Variants in CAST observed in about 807,000 individuals in gnomAD.
CAST encodes the protein MIR583 host.
A neutral mutation model predicts 119.6 loss-of-function variants in CAST; 76 were observed. That is an observed-to-expected ratio of 0.64 (90% confidence interval 0.53 to 0.77). The LOEUF is 0.77. Ranked by LOEUF, CAST falls within the 30% of genes least tolerant of loss-of-function variation. The pLI is 0.00. For missense variants in CAST, 953 were observed against 946.5 expected (o/e 1.01, Z -0.09); for synonymous variants, 319 against 331.6 (o/e 0.96, Z 0.41).
the CAST span, among the ~76,000 whole-genome samples, chr5:96,377,515 C>T: frequency 6.6e-6 from 1 of 152,142 alleles, no homozygotes; most frequent in East Asian, 1.9e-4. Flanking sequence ...TGTTACAATT[C>T]CCGACAGTGT....
the CAST span, among the ~76,000 whole-genome samples, chr5:96,499,126 C>G: frequency 6.6e-6 from 1 of 151,074 alleles, no homozygotes; most frequent in Admixed American, 6.6e-5. Flanking sequence ...AAAAAAAGAA[C>G]AGAATCAAAC....
At chr5:96,508,433 A>G in the CAST span, among the ~76,000 whole-genome samples, 3 of 152,184 alleles carry the variant, frequency 2.0e-5, no homozygotes, top group African/African-American at 7.2e-5. Context: ...CGATTATAAT[A>G]GGAGTAGATT....
rs76788044 is a variant in CAST, at chr5:96,694,256, T to C, written c.139-1580T>C. On this transcript the variant is annotated intron_variant, in intron 2 of 31. Coordinates refer to ENST00000675179, the MANE Select transcript of CAST (RefSeq NM_001750.7). ...AATGTGTTATATGCTAGCTAATTTATGCATTATCTTGCCTTGTGTATTCAA... is the reference window on the plus strand; with the variant it reads ...AATGTGTTATATGCTAGCTAATTTACGCATTATCTTGCCTTGTGTATTCAA... Among the ~76,000 whole-genome samples the C allele has an allele frequency of 2.6e-3, 400 of 152,360 alleles. 3 individuals carry two copies. The highest frequency in any genetic ancestry group is 9.4e-3 in the African/African-American group (389 of 41,584).
chr5:96,399,895 A>C, the CAST span: 6,460 of 1,329,686 alleles, frequency 4.9e-3, 245 homozygotes, highest in African/African-American at 0.082. Flanking sequence ...AATGGCAAAC[A>C]TAGTAATGAA....
At chr5:96,197,000 C>T in the CAST span, among the ~76,000 whole-genome samples, 1 of 152,126 alleles carries the variant, frequency 6.6e-6, no homozygotes, top group Non-Finnish European at 1.5e-5. Flanking sequence ...CAGACATTCT[C>T]AATTAAGAAG....
intron 1 of CAST, among the ~76,000 whole-genome samples, chr5:96,628,746 G>C (rs1462919296): frequency 2.0e-5 from 3 of 152,104 alleles, no homozygotes; most frequent in African/African-American, 7.2e-5. Context: ...TACCAAATTA[G>C]TTTAACCTTC....
the CAST span, among the ~76,000 whole-genome samples, chr5:95,981,088 G>A: frequency 6.6e-6 from 1 of 152,178 alleles, no homozygotes; most frequent in African/African-American, 2.4e-5. Context: ...AAGGGTACAG[G>A]GAAGTGGGGC....
the CAST span, among the ~76,000 whole-genome samples, chr5:96,336,732 A>T: frequency 6.6e-6 from 1 of 152,190 alleles, no homozygotes; most frequent in Admixed American, 6.5e-5. Context: ...ACACATTTTT[A>T]ATTTACTTTG....
chr5:96,610,424 GATT>G (rs1317585058), intron 1 of CAST, among the ~76,000 whole-genome samples: 1 of 152,154 alleles, frequency 6.6e-6, no homozygotes, highest in Admixed American at 6.5e-5. Context: ...ATAACCATAT[GATT>G]ATCTCAATAG....
At chr5:96,630,475 A>G (rs1477168972) in intron 1 of CAST, among the ~76,000 whole-genome samples, 2 of 152,192 alleles carry the variant, frequency 1.3e-5, no homozygotes, top group African/African-American at 4.8e-5. Flanking sequence ...TAACTTCTAA[A>G]CAAGTGAATA....
chr5:96,710,660 C>T (rs991110247), intron 3 of CAST, among the ~76,000 whole-genome samples: 1 of 152,046 alleles, frequency 6.6e-6, no homozygotes, highest in African/African-American at 2.4e-5. Context: ...TAATTATGAA[C>T]ATTTTTAGCC....
At chr5:96,326,851 A>G in the CAST span, among the ~76,000 whole-genome samples, 1 of 152,094 alleles carries the variant, frequency 6.6e-6, no homozygotes, top group Non-Finnish European at 1.5e-5. Flanking sequence ...TTATGATGTT[A>G]TACTTATTTT....
At chr5:96,188,610 T>C in the CAST span, among the ~76,000 whole-genome samples, 2 of 152,174 alleles carry the variant, frequency 1.3e-5, no homozygotes, top group Non-Finnish European at 2.9e-5. Context: ...AAGATGGTAA[T>C]AATAAAACCT....
At chr5:96,734,179 C>T (rs965419999) in intron 9 of CAST, among the ~76,000 whole-genome samples, 8 of 152,184 alleles carry the variant, frequency 5.3e-5, no homozygotes, top group Non-Finnish European at 7.3e-5. Flanking sequence ...TACATTCCAA[C>T]GTGGGTGAAG....
At chr5:96,469,217 G>C in the CAST span, among the ~76,000 whole-genome samples, 1 of 152,056 alleles carries the variant, frequency 6.6e-6, no homozygotes, top group Non-Finnish European at 1.5e-5. Context: ...AGATGGTAAA[G>C]TACATCAGCG....
the CAST span, among the ~76,000 whole-genome samples, chr5:96,191,540 A>G: frequency 6.6e-6 from 1 of 152,212 alleles, no homozygotes; most frequent in Non-Finnish European, 1.5e-5. Flanking sequence ...TCTCTGCTAC[A>G]TTGCTTCCCA....
At chr5:96,132,905 A>G in the CAST span, among the ~76,000 whole-genome samples, 3 of 152,198 alleles carry the variant, frequency 2.0e-5, no homozygotes, top group Non-Finnish European at 2.9e-5. Context: ...ATATGAATAT[A>G]AGACAAGATG....
intron 1 of CAST, among the ~76,000 whole-genome samples, chr5:96,563,693 G>A (rs1746422816): frequency 6.6e-6 from 1 of 151,994 alleles, no homozygotes; most frequent in Non-Finnish European, 1.5e-5. Context: ...TAAGATTACG[G>A]TATACGGTAT....
At chr5:96,336,931 C>G in the CAST span, among the ~76,000 whole-genome samples, 1 of 152,048 alleles carries the variant, frequency 6.6e-6, no homozygotes, top group Non-Finnish European at 1.5e-5. Flanking sequence ...AGGAGTAAAA[C>G]TGGGAAGAGT....
Sources: gnomAD v4.1 joint callset for allele counts (sites outside exome capture counted in the v4.1 genomes callset) on GRCh38, gnomAD v4.1.1 for gene constraint, MANE v1.5 for transcripts, NCBI Gene and HGNC (gene_info 2026-07-23, HGNC 2026-07-21) for gene names.